Variants in SPATA22 observed in about 807,000 individuals in gnomAD.
The protein encoded by SPATA22 is spermatogenesis associated 22.
In SPATA22, 29 loss-of-function variants were observed where a neutral mutation model predicts 47.8. That is an observed-to-expected ratio of 0.61 (90% confidence interval 0.45 to 0.83). The LOEUF (loss-of-function observed/expected upper bound fraction) is 0.83. SPATA22 is among the 40% of genes least tolerant of loss of function. The pLI is 0.00. For missense variants in SPATA22, 410 were observed against 421.7 expected (o/e 0.97, Z 0.24); for synonymous variants, 133 against 140.9 (o/e 0.94, Z 0.40).
intron 1 of SPATA22, chr17:3,494,436 G>A: frequency 1.9e-6 from 3 of 1,609,482 alleles, no homozygotes; most frequent in East Asian, 4.5e-5. Flanking sequence ...AGAAATTGCT[G>A]CTATCATCCA....
intron 7 of SPATA22, 45 bp downstream of exon 7, chr17:3,446,427 C>A: frequency 6.4e-7 from 1 of 1,559,358 alleles, no homozygotes; most frequent in Non-Finnish European, 8.7e-7. Flanking sequence ...TAAAACCTGT[C>A]CTCCAGAGAG....
intron 1 of SPATA22, chr17:3,489,246 G>A: frequency 1.2e-6 from 2 of 1,609,150 alleles, no homozygotes; most frequent in Non-Finnish European, 1.7e-6. Context: ...TATAGAAGTT[G>A]GTCCTCAGCC....
intron 1 of SPATA22, among the ~76,000 whole-genome samples, chr17:3,507,259 T>A (rs2074049504): frequency 6.6e-6 from 1 of 152,170 alleles, no homozygotes; most frequent in Non-Finnish European, 1.5e-5. Context: ...AGAAAACCGA[T>A]GAAAGAAATA....
intron 3 of SPATA22, among the ~76,000 whole-genome samples, chr17:3,465,871 C>A (rs1353326854): frequency 1.3e-5 from 2 of 151,836 alleles, no homozygotes; most frequent in African/African-American, 4.8e-5. Flanking sequence ...CAAATAGTAA[C>A]CCTGGTCCGA....
At chr17:3,489,316 T>C in intron 1 of SPATA22, 1 of 1,611,834 alleles carries the variant, frequency 6.2e-7, no homozygotes, top group Non-Finnish European at 8.5e-7. Context: ...AAACATGCTC[T>C]TGATTTTATA....
intron 1 of SPATA22, chr17:3,498,805 AAT>A (rs2073951750): frequency 1.6e-6 from 2 of 1,241,270 alleles, no homozygotes; most frequent in Admixed American, 6.1e-5. Flanking sequence ...AGAATACTGT[AAT>A]TTGTTAGTTG....
chr17:3,449,025 C>G lies in SPATA22; in HGVS notation c.454G>C (p.Ala152Pro). The G allele has an allele frequency of 3.7e-6, 6 of 1,613,950 alleles. No homozygotes were observed. Among genetic ancestry groups the G allele is most frequent in the Non-Finnish European group, 5.1e-6 (6 of 1,179,948 alleles). ...GKNSCPVSSG[A>P]QQQKQLRIPE... Reference sequence around the variant, plus strand: ...ATTCTTAATTGTTTTTGTTGTTGAGCTCCCGAACTCACTGGACAAGAATTT... The same window carrying G: ...ATTCTTAATTGTTTTTGTTGTTGAGGTCCCGAACTCACTGGACAAGAATTT... The change falls in exon 6 of 9, where the codon GCT (alanine) becomes CCT (proline). Residue 152 changes from alanine (A) to proline (P), a missense_variant. Coordinates refer to ENST00000572969, the MANE Select transcript of SPATA22 (RefSeq NM_001170698.2).
At chr17:3,461,888 C>A (rs2073132760) in intron 5 of SPATA22, among the ~76,000 whole-genome samples, 1 of 152,164 alleles carries the variant, frequency 6.6e-6, no homozygotes, top group Admixed American at 6.5e-5. Flanking sequence ...TAAAATCCAA[C>A]CAAGAGAAAT....
At chr17:3,508,885 A>T (rs2150771580) in intron 1 of SPATA22, among the ~76,000 whole-genome samples, 1 of 126,036 alleles carries the variant, frequency 7.9e-6, no homozygotes, top group South Asian at 3.4e-4. Flanking sequence ...ATGTACCCTA[A>T]AGCTTAAAGT....
Position 3,486,958 on chromosome 17 carries a change from A to T in SPATA22, c.-73-17560T>A, listed in dbSNP as rs564410333. ...GCGTTGAATGAATAATAATTACACA[A>T]ATAACTTTCCTAAGTCTCAAATGAG... On this transcript the variant is annotated intron_variant, in intron 1 of 8. Coordinates refer to the SPATA22 transcript ENST00000541913. Among the ~76,000 whole-genome samples the T allele has an allele frequency of 2.0e-5, 3 of 152,262 alleles. No individual in the cohort carries two copies. In the East Asian group the frequency reaches 5.8e-4, roughly 29 times the overall value.
At chr17:3,464,569 A>G (rs4790492) in intron 3 of SPATA22, among the ~76,000 whole-genome samples, 23,886 of 124,816 alleles carry the variant, frequency 0.19, 2,852 homozygotes, top group East Asian at 0.37. Context: ...CCATCTAGGA[A>G]GTGAGGAGCG....
intron 5 of SPATA22, among the ~76,000 whole-genome samples, chr17:3,452,674 AAAG>A (rs1162176344): frequency 1.3e-5 from 2 of 152,128 alleles, no homozygotes; most frequent in Non-Finnish European, 2.9e-5. Flanking sequence ...AAAAAAGAAA[AAAG>A]AAGATTTAAA....
chr17:3,442,498 G>A (rs563207249), intron 8 of SPATA22, among the ~76,000 whole-genome samples: 107 of 152,020 alleles, frequency 7.0e-4, no homozygotes, highest in African/African-American at 2.4e-3. Context: ...CTCAATGTGT[G>A]TAGGTCTATA....
Position 3,443,163 on chromosome 17 carries a change from A to T in SPATA22, c.900+11T>A, listed in dbSNP as rs754327288. ...CATAGGCTTCGCAAAGAGTACTTTA[A>T]AAATACTCACGATTTCATAAAAGAC... On this transcript the variant is annotated intron_variant, in intron 8 of 8. Coordinates refer to ENST00000572969, the MANE Select transcript of SPATA22 (RefSeq NM_001170698.2). 3.1e-6 allele frequency: 5 copies of T among 1,588,174 alleles called. No individual in the cohort carries two copies. Among genetic ancestry groups the T allele is most frequent in the Non-Finnish European group, 4.3e-6 (5 of 1,161,458 alleles).
intron 3 of SPATA22, among the ~76,000 whole-genome samples, chr17:3,463,614 A>T (rs1567601411): frequency 6.6e-6 from 1 of 152,094 alleles, no homozygotes; most frequent in Admixed American, 6.6e-5. Flanking sequence ...ACATTACTGT[A>T]TACACTACTG....
At position 3,462,443 on chromosome 17, in the gene SPATA22, A is replaced by T. The variant is rs192339804; in HGVS notation, c.329+40T>A. 554 of 1,360,626 alleles carry T rather than the reference A, an allele frequency of 4.1e-4. 2 individuals carry two copies. In the African/African-American group the frequency reaches 7.0e-3, roughly 17 times the overall value. 84.3% of individuals were successfully genotyped at this position (1,360,626 alleles called of 1,614,324 possible). On this transcript the variant is annotated intron_variant, in intron 5 of 8. Coordinates refer to ENST00000572969, the MANE Select transcript of SPATA22 (RefSeq NM_001170698.2). ...GAATGAAGAGGAAGACAGGAAAATGAGAAGGAATAGAAGAAGAAAGAAATT... is the reference window on the plus strand; with the variant it reads ...GAATGAAGAGGAAGACAGGAAAATGTGAAGGAATAGAAGAAGAAAGAAATT...
chr17:3,449,496 A>G (rs917881550), intron 5 of SPATA22, among the ~76,000 whole-genome samples: 1 of 152,220 alleles, frequency 6.6e-6, no homozygotes, highest in Non-Finnish European at 1.5e-5. Context: ...GTTGTATCCA[A>G]GTGGTAAGAC....
At chr17:3,471,858 G>A (rs1452124799), upstream of SPATA22, 4 of 985,418 alleles carry the variant, frequency 4.1e-6, no homozygotes, top group African/African-American at 5.2e-5. Context: ...CAGGCGCAGT[G>A]GCCGCCACCT....
At chr17:3,468,828 T>A in intron 2 of SPATA22, 1 of 719,230 alleles carries the variant, frequency 1.4e-6, no homozygotes, top group African/African-American at 1.9e-5. Flanking sequence ...CCATAAATAA[T>A]AGTTACTATT....
Sources: allele counts gnomAD v4.1 joint callset (sites outside exome capture counted in the v4.1 genomes callset), GRCh38; gene constraint gnomAD v4.1.1; transcripts MANE v1.5; gene names NCBI Gene and HGNC (gene_info 2026-07-23, HGNC 2026-07-21).